Variants in ANO2 observed in about 807,000 individuals in gnomAD.
ANO2 encodes anoctamin 2.
In ANO2, 101 loss-of-function variants were observed where a neutral mutation model predicts 124.2. That is an observed-to-expected ratio of 0.81 (90% CI 0.69 to 0.96). The LOEUF is 0.96. Ranked by LOEUF, ANO2 falls within the 40% of genes least tolerant of loss-of-function variation. ANO2 has a pLI of 0.00. For missense variants in ANO2, 1,293 were observed against 1,274.5 expected (o/e 1.01, Z -0.22); for synonymous variants, 486 against 482.5 (o/e 1.01, Z -0.09).
chr12:5,703,685 T>C (rs892075887), intron 14 of ANO2, among the ~76,000 whole-genome samples: 7 of 152,136 alleles, frequency 4.6e-5, no homozygotes, highest in African/African-American at 1.7e-4. Flanking sequence ...TAGCTGGGAC[T>C]ACAGGTGTGC....
chr12:5,874,464 T>C (rs1162294017), intron 3 of ANO2, among the ~76,000 whole-genome samples: 1 of 152,220 alleles, frequency 6.6e-6, no homozygotes, highest in Non-Finnish European at 1.5e-5. Context: ...TGGTGCTTCA[T>C]ATTCAATCAC....
intron 12 of ANO2, among the ~76,000 whole-genome samples, chr12:5,743,740 G>T (rs945857221): frequency 3.9e-5 from 6 of 152,120 alleles, no homozygotes; most frequent in Non-Finnish European, 8.8e-5. Context: ...CCAAATCTCA[G>T]CCCACCTTTC....
chr12:5,943,302 TGTGTGTG>T (rs1942968396), intron 1 of ANO2, among the ~76,000 whole-genome samples: 1 of 151,946 alleles, frequency 6.6e-6, no homozygotes, highest in African/African-American at 2.4e-5. Context: ...TGTGTGTGTG[TGTGTGTG>T]TGTGTAATAC....
chr12:5,647,851 T>G lies in ANO2; in HGVS notation c.1546-50A>C, dbSNP rs917153388. 13 of 1,404,286 alleles carry G rather than the reference T, an allele frequency of 9.3e-6. No individual in the cohort carries two copies. In the East Asian group the frequency reaches 3.1e-4, roughly 33 times the overall value. 87.0% of individuals were successfully genotyped at this position (1,404,286 alleles called of 1,614,324 possible). On this transcript the variant is annotated intron_variant, in intron 14 of 24. Transcript: ENST00000682330. ...ACAATCAGGAGGCACAAATAACAGA[T>G]ATTAATTTGCTCTCATTTGCATATA...
intron 13 of ANO2, among the ~76,000 whole-genome samples, chr12:5,735,296 GT>G (rs1041247349): frequency 3.3e-5 from 5 of 152,146 alleles, no homozygotes; most frequent in Non-Finnish European, 7.4e-5. Context: ...TCTGGGAACT[GT>G]TTCCACGTGG....
rs35973206 is a variant in ANO2, at chr12:5,725,097, T to TCACACACA, written c.1545+7415_1545+7422dup. On this transcript the variant is annotated intron_variant, in intron 14 of 24. Transcript: ENST00000682330. Reference sequence around the variant, plus strand: ...CATGGTCCCTCTCCTTGTCTCCCTCTCACACACACACACACACACACACAC... The same window carrying TCACACACA: ...CATGGTCCCTCTCCTTGTCTCCCTCTCACACACACACACACACACACACACACACACAC... Among the ~76,000 whole-genome samples the TCACACACA allele has an allele frequency of 2.4e-3, 339 of 143,588 alleles. 1 individual carries two copies. The highest frequency in any genetic ancestry group is 6.0e-3 in the African/African-American group (227 of 37,918). The allele number at this position is 143,588 out of a possible 152,430, so 94.2% of individuals were successfully genotyped here.
chr12:5,938,237 G>A (rs1942739883), intron 1 of ANO2, among the ~76,000 whole-genome samples: 1 of 152,102 alleles, frequency 6.6e-6, no homozygotes, highest in Non-Finnish European at 1.5e-5. Context: ...TTTTATCTCT[G>A]TCTTCTCAGT....
At chr12:5,583,136 C>T (rs1461668806) in intron 20 of ANO2, among the ~76,000 whole-genome samples, 1 of 152,172 alleles carries the variant, frequency 6.6e-6, no homozygotes, top group Non-Finnish European at 1.5e-5. Context: ...CTTATTTTCA[C>T]CAGTTGTGAA....
intron 10 of ANO2, among the ~76,000 whole-genome samples, chr12:5,788,185 C>T (rs1025051084): frequency 6.6e-6 from 1 of 152,216 alleles, no homozygotes; most frequent in African/African-American, 2.4e-5. Context: ...CTGGGGCAAA[C>T]TAAACACAAT....
intron 10 of ANO2, among the ~76,000 whole-genome samples, chr12:5,781,202 A>G (rs1425582856): frequency 1.3e-5 from 2 of 152,240 alleles, no homozygotes; most frequent in Admixed American, 6.5e-5. Context: ...ATTGATTTTT[A>G]TGGGTGAAGA....
chr12:5,917,349 T>C (rs1414938295), intron 3 of ANO2, among the ~76,000 whole-genome samples: 4 of 70,266 alleles, frequency 5.7e-5, no homozygotes, highest in African/African-American at 7.8e-5. Flanking sequence ...CAATATTTCA[T>C]TGTACATGCT....
intron 14 of ANO2, among the ~76,000 whole-genome samples, chr12:5,656,855 G>A (rs967744836): frequency 6.6e-6 from 1 of 152,212 alleles, no homozygotes; most frequent in African/African-American, 2.4e-5. Context: ...ATTCACTGAG[G>A]CCAGTGGCAG....
chr12:5,805,950 A>G (rs991048661), intron 9 of ANO2, 102 bp downstream of exon 9: 11 of 1,165,630 alleles, frequency 9.4e-6, no homozygotes, highest in Non-Finnish European at 1.3e-5. Flanking sequence ...TGGAAAGTAG[A>G]TAAGCAGGTA....
chr12:5,579,773 C>T (rs917415876), intron 20 of ANO2, among the ~76,000 whole-genome samples: 1 of 152,216 alleles, frequency 6.6e-6, no homozygotes, highest in South Asian at 2.1e-4. Context: ...TCCCCAGCAA[C>T]GACCATGGTC....
intron 4 of ANO2, among the ~76,000 whole-genome samples, chr12:5,832,979 A>C (rs766187986): frequency 2.0e-5 from 3 of 152,242 alleles, no homozygotes; most frequent in Non-Finnish European, 2.9e-5. Flanking sequence ...TACTATTTCC[A>C]TATGATGAGG....
intron 7 of ANO2, among the ~76,000 whole-genome samples, chr12:5,808,019 A>T (rs765518374): frequency 9.2e-5 from 14 of 152,220 alleles, no homozygotes; most frequent in Non-Finnish European, 2.1e-4. Flanking sequence ...GCACATGCTG[A>T]CATCATCCCC....
intron 16 of ANO2, among the ~76,000 whole-genome samples, chr12:5,630,471 G>T (rs548957871): frequency 1.3e-5 from 2 of 152,248 alleles, no homozygotes; most frequent in East Asian, 3.9e-4. Context: ...GATACTCTTG[G>T]TGCCTCTTTC....
intron 23 of ANO2, among the ~76,000 whole-genome samples, chr12:5,569,021 T>C (rs1234351994): frequency 6.6e-6 from 1 of 152,266 alleles, no homozygotes; most frequent in East Asian, 1.9e-4. Context: ...GGAATACACC[T>C]TTTCTGTTAA....
chr12:5,588,927 A>T (rs972979544), intron 20 of ANO2, among the ~76,000 whole-genome samples: 1 of 152,180 alleles, frequency 6.6e-6, no homozygotes, highest in African/African-American at 2.4e-5. Context: ...AGATAGAAGC[A>T]GAGCTGCATC....
Sources: gnomAD v4.1 joint callset for allele counts (sites outside exome capture counted in the v4.1 genomes callset) on GRCh38, gnomAD v4.1.1 for gene constraint, MANE v1.5 for transcripts, NCBI Gene and HGNC (gene_info 2026-07-23, HGNC 2026-07-21) for gene names.